Variants in VPS13C observed in about 807,000 individuals in gnomAD.
The protein encoded by VPS13C is vacuolar protein sorting 13 homolog C.
Under a neutral mutation model 456.8 loss-of-function variants are expected in VPS13C, and 358 were observed. The observed-to-expected ratio is 0.78, with a 90% CI of 0.72 to 0.86. The LOEUF (loss-of-function observed/expected upper bound fraction) is 0.86. Ranked by LOEUF, VPS13C falls within the 40% of genes least tolerant of loss-of-function variation. The pLI is 0.00. For synonymous variants in VPS13C, 1,578 were observed against 1,486.7 expected (o/e 1.06, Z -1.41); for missense variants, 4,818 against 4,385.4 (o/e 1.10, Z -2.79).
chr15:61,983,795 A>C (rs749803394), intron 20 of VPS13C, 25 bp downstream of exon 20: 1 of 1,604,604 alleles, frequency 6.2e-7, no homozygotes. Flanking sequence ...ATTTAAATAA[A>C]GAGTTACTTT....
chr15:61,981,197 ACTC>A, intron 22 of VPS13C, 142 bp downstream of exon 22: 1 of 979,996 alleles, frequency 1.0e-6, no homozygotes, highest in South Asian at 2.4e-5. Flanking sequence ...TATATAAAAT[ACTC>A]CAAGCAAGGC....
chr15:61,978,808 C>T, intron 22 of VPS13C, 59 bp from the exon 23 acceptor site: 1 of 1,520,930 alleles, frequency 6.6e-7, no homozygotes, highest in Non-Finnish European at 8.8e-7. Context: ...CATACATCAA[C>T]ATACTTTAGT....
At chr15:61,886,357 G>C (rs1354910886) in intron 67 of VPS13C, among the ~76,000 whole-genome samples, 2 of 152,050 alleles carry the variant, frequency 1.3e-5, no homozygotes, top group African/African-American at 4.8e-5. Flanking sequence ...CATTACTTCA[G>C]CAGAGCTGTA....
chr15:61,941,718 T>A (rs1361491886), intron 46 of VPS13C, 45 bp downstream of exon 46: 1 of 1,514,928 alleles, frequency 6.6e-7, no homozygotes. Context: ...TGTATGAAAA[T>A]CCTATTTCTA....
At chr15:61,993,597 T>TA in intron 16 of VPS13C, among the ~76,000 whole-genome samples, 1 of 151,990 alleles carries the variant, frequency 6.6e-6, no homozygotes, top group Non-Finnish European at 1.5e-5. Context: ...TCAAGGAATT[T>TA]AAAAATAAAC....
intron 1 of VPS13C, among the ~76,000 whole-genome samples, chr15:62,055,696 T>C (rs536512214): frequency 6.6e-6 from 1 of 152,348 alleles, no homozygotes; most frequent in Admixed American, 6.5e-5. Flanking sequence ...CGCATTTTTA[T>C]TGACATGATA....
intron 79 of VPS13C, 103 bp downstream of exon 79, chr15:61,871,886 G>C: frequency 1.0e-6 from 1 of 1,001,542 alleles, no homozygotes; most frequent in Non-Finnish European, 1.5e-6. Context: ...AATTCAGTCA[G>C]TAATTTTCTC....
In VPS13C at chr15:62,033,477, G is replaced by T. The variant is rs778239562; in HGVS notation, c.349C>A (p.Arg117=). 1 of 1,604,990 alleles carries T rather than the reference G, an allele frequency of 6.2e-7. No homozygotes were observed. The highest frequency in any genetic ancestry group is 1.7e-5 in the Admixed American group (1 of 59,190). The change falls in exon 5 of 85, where the codon CGA becomes AGA. Residue 117 remains arginine (R), a synonymous_variant. Transcript: ENST00000644861. ...LQDVKQKELS[R]IEEALQKAAE... Reference sequence around the variant, plus strand: ...GCTTTTTGAAGGGCTTCTTCAATTCGGGATAGCTCTTTCTGTTTAACATCC... The same window carrying T: ...GCTTTTTGAAGGGCTTCTTCAATTCTGGATAGCTCTTTCTGTTTAACATCC...
At position 62,044,080 on chromosome 15, in the gene VPS13C, T is replaced by C. The variant is rs17271312; in HGVS notation, c.144+132A>G. On this transcript the variant is annotated intron_variant, in intron 2 of 84. Transcript: ENST00000644861. Reference sequence around the variant, plus strand: ...TAATCTCAGATTTTCCAACAGCAAATAGTTGAACAAGTAATCCCTTGAGTG... The same window carrying C: ...TAATCTCAGATTTTCCAACAGCAAACAGTTGAACAAGTAATCCCTTGAGTG... 38,553 of 563,674 alleles carry C rather than the reference T, an allele frequency of 0.068. 1,575 individuals carry two copies. The highest frequency in any genetic ancestry group is 0.087 in the Middle Eastern group (212 of 2,442). 34.9% of individuals were successfully genotyped at this position (563,674 alleles called of 1,614,324 possible).
intron 3 of VPS13C, among the ~76,000 whole-genome samples, chr15:62,040,691 C>CTAAACCCAAATTTTA (rs2048212593): frequency 1.3e-5 from 2 of 151,610 alleles, no homozygotes; most frequent in South Asian, 4.2e-4. Context: ...TACACATGGA[C>CTAAACCCAAATTTTA]CACCTAAATC....
chr15:61,886,088 T>G (rs1896247588), intron 67 of VPS13C, among the ~76,000 whole-genome samples: 1 of 152,186 alleles, frequency 6.6e-6, no homozygotes, highest in Non-Finnish European at 1.5e-5. Flanking sequence ...TCTGGATACA[T>G]TTCTTTAGCT....
Position 61,959,459 on chromosome 15 carries a change from C to G in VPS13C, c.4045G>C (p.Asp1349His), listed in dbSNP as rs1272200532. The G allele has an allele frequency of 6.2e-7, 1 of 1,610,400 alleles. No individual in the cohort carries two copies. Among genetic ancestry groups the G allele is most frequent in the Admixed American group, 1.7e-5 (1 of 59,778 alleles). The part of the protein sequence containing the change: ...VPVVEIKGHL[D>H]SMNVSLNQED... ...ACTCATATACTTACATTCATTGAAT[C>G]AAGATGTCCTTTAATTTCCACAACA... is the stretch of plus-strand genomic sequence containing the variant. The change falls in exon 36 of 85, where the codon GAT (aspartate) becomes CAT (histidine). Residue 1349 changes from aspartate to histidine, a missense_variant. This residue lies in a region of VPS13C where 4,552 missense variants were observed against 4,130.6 expected (regional missense o/e 1.10). Coordinates refer to ENST00000644861, the MANE Select transcript of VPS13C (RefSeq NM_020821.3).
intron 18 of VPS13C, among the ~76,000 whole-genome samples, chr15:61,986,214 G>A (rs2046048769): frequency 6.7e-6 from 1 of 150,066 alleles, no homozygotes; most frequent in Non-Finnish European, 1.5e-5. Context: ...TAGATTCACA[G>A]GCGCTCTAGA....
intron 46 of VPS13C, 53 bp downstream of exon 46, chr15:61,941,710 T>A: frequency 6.7e-7 from 1 of 1,502,516 alleles, no homozygotes; most frequent in Non-Finnish European, 8.9e-7. Context: ...GTAAAAATTG[T>A]ATGAAAATCC....
intron 20 of VPS13C, 114 bp from the exon 21 acceptor site, chr15:61,982,687 A>C (rs2045923780): frequency 1.5e-5 from 10 of 665,542 alleles, no homozygotes; most frequent in Non-Finnish European, 2.5e-5. Context: ...TGGAACTCCT[A>C]AGATATTCTG....
chr15:62,050,269 C>G (rs547231321), intron 1 of VPS13C, among the ~76,000 whole-genome samples: 22 of 152,282 alleles, frequency 1.4e-4, no homozygotes, highest in Admixed American at 2.6e-4. Context: ...CTAATCCTAC[C>G]AAGTCTAAAC....
intron 19 of VPS13C, among the ~76,000 whole-genome samples, chr15:61,984,562 T>A (rs557530729): frequency 6.6e-6 from 1 of 152,336 alleles, no homozygotes; most frequent in Non-Finnish European, 1.5e-5. Flanking sequence ...TAGCATACAT[T>A]TCTTGAAAAC....
At position 61,984,922 on chromosome 15, in the gene VPS13C, T is replaced by G. The variant is rs752862618; in HGVS notation, c.1656A>C (p.Ile552=). The change falls in exon 19 of 85, where the codon ATA becomes ATC. Residue 552 remains isoleucine (I), a synonymous_variant. Transcript: ENST00000644861. ...TIRENKNIPE[I]LKIQIIGLGT... ...CCAGGCCAATTATCTGAATTTTTAG[T>G]ATTTCTGGAATATTCTTGTTTTCTC... 3.7e-6 allele frequency: 6 copies of G among 1,612,554 alleles called. No individual in the cohort carries two copies. In the Admixed American group the frequency reaches 8.4e-5, roughly 22 times the overall value.
intron 2 of VPS13C, among the ~76,000 whole-genome samples, 162 bp downstream of exon 2, chr15:62,044,050 A>C (rs1317331735): frequency 6.6e-6 from 1 of 152,164 alleles, no homozygotes; most frequent in African/African-American, 2.4e-5. Context: ...AAATTTCTAA[A>C]TCTTTAATCT....
Sources: gnomAD v4.1 joint callset for allele counts (sites outside exome capture counted in the v4.1 genomes callset) on GRCh38, gnomAD v4.1.1 for gene constraint, gnomAD v4.1.1 regional missense constraint, MANE v1.5 for transcripts, NCBI Gene and HGNC (gene_info 2026-07-23, HGNC 2026-07-21) for gene names.